ALCAM: variants seen among roughly 807,000 people sequenced by gnomAD.
ALCAM encodes activated leukocyte cell adhesion molecule, also known as CD166 antigen.
Under a neutral mutation model 70.9 loss-of-function variants are expected in ALCAM, and 30 were observed. That is an observed-to-expected ratio of 0.42 (90% CI 0.32 to 0.57). The LOEUF (loss-of-function observed/expected upper bound fraction) is 0.57, where lower values mean the gene tolerates loss of function less well. Among genes scored for constraint, ALCAM ranks in the 20% least tolerant of loss-of-function variants. The pLI, the probability that ALCAM is intolerant of heterozygous loss-of-function variation, is 0.11. For synonymous variants in ALCAM, 249 were observed against 242.5 expected, an observed-to-expected ratio of 1.03 and a Z score of -0.25; for missense variants, 591 against 695.1, an observed-to-expected ratio of 0.85 and a Z score of 1.68.
At position 105,501,584 on chromosome 3, in the gene ALCAM, A is replaced by C. The variant is rs537556940; in HGVS notation, c.74-18483A>C. 6.6e-5 allele frequency among the ~76,000 whole-genome samples: 10 copies of C among 152,306 alleles called. No homozygotes were observed. In the South Asian group the frequency reaches 2.1e-3, roughly 32 times the overall value. ...ATAAGGTATAAGAATCTAGATTTCA[A>C]ATACCTAGAAAATAATATCTGAGTG... On this transcript the variant is annotated intron_variant, in intron 1 of 15. Coordinates refer to ENST00000306107, the MANE Select transcript of ALCAM (RefSeq NM_001627.4).
chr3:105,382,444 G>A (rs1173333137), intron 1 of ALCAM, among the ~76,000 whole-genome samples: 1 of 151,792 alleles, frequency 6.6e-6, no homozygotes, highest in East Asian at 1.9e-4. Context: ...TAGTCCTTTG[G>A]GTATATACCC....
chr3:105,454,157 G>A (rs1471661345), intron 1 of ALCAM, among the ~76,000 whole-genome samples: 1 of 152,026 alleles, frequency 6.6e-6, no homozygotes, highest in Non-Finnish European at 1.5e-5. Flanking sequence ...ATATAATTCT[G>A]AAAACTCTAG....
Position 105,502,097 on chromosome 3 carries a change from G to T in ALCAM, c.74-17970G>T, listed in dbSNP as rs1576205355. On this transcript the variant is annotated intron_variant, in intron 1 of 15. Transcript: ENST00000306107. ...GCCAGTCCAGGCATAAAAGTAATAGGGCTAGAAATTCCAACTGAAAATTAA... is the reference window on the plus strand; with the variant it reads ...GCCAGTCCAGGCATAAAAGTAATAGTGCTAGAAATTCCAACTGAAAATTAA... Among the ~76,000 whole-genome samples the T allele has an allele frequency of 3.9e-5, 6 of 152,204 alleles. 1 individual carries two copies. The highest frequency in any genetic ancestry group is 3.9e-4 in the Admixed American group (6 of 15,280).
intron 1 of ALCAM, among the ~76,000 whole-genome samples, chr3:105,379,872 T>C (rs1425480244): frequency 2.0e-5 from 3 of 151,826 alleles, no homozygotes; most frequent in African/African-American, 4.8e-5. Flanking sequence ...ACAAATAATA[T>C]GTGTTTTAAA....
chr3:105,504,328 C>T (rs1939004700), intron 1 of ALCAM, among the ~76,000 whole-genome samples: 1 of 152,188 alleles, frequency 6.6e-6, no homozygotes, highest in Non-Finnish European at 1.5e-5. Context: ...AGACCTTCTA[C>T]GTTGTCACAA....
chr3:105,560,008 T>TG (rs1940599335), intron 14 of ALCAM, among the ~76,000 whole-genome samples: 2 of 152,180 alleles, frequency 1.3e-5, no homozygotes, highest in Non-Finnish European at 2.9e-5. Context: ...GCAAATAGTA[T>TG]GGCTAAAATA....
chr3:105,386,115 T>C (rs1363514500), intron 1 of ALCAM, among the ~76,000 whole-genome samples: 1 of 151,428 alleles, frequency 6.6e-6, no homozygotes, highest in East Asian at 1.9e-4. Flanking sequence ...ACCCAAAGAG[T>C]TGACCTTCCA....
At chr3:105,398,316 A>G (rs1013479549) in intron 1 of ALCAM, among the ~76,000 whole-genome samples, 3 of 152,014 alleles carry the variant, frequency 2.0e-5, no homozygotes, top group African/African-American at 4.8e-5. Context: ...AGAAGAAAAA[A>G]TGCTTTCTGT....
intron 1 of ALCAM, among the ~76,000 whole-genome samples, chr3:105,465,498 C>T (rs1212044306): frequency 6.6e-6 from 1 of 151,384 alleles, no homozygotes; most frequent in Non-Finnish European, 1.5e-5. Flanking sequence ...ATGGCATTTA[C>T]TATGCATAAG....
intron 1 of ALCAM, among the ~76,000 whole-genome samples, chr3:105,380,383 T>G (rs1046536160): frequency 6.6e-6 from 1 of 151,922 alleles, no homozygotes; most frequent in African/African-American, 2.4e-5. Flanking sequence ...AGACATCTCC[T>G]AAGATGTTTC....
At chr3:105,568,261 A>G (rs572951466) in intron 14 of ALCAM, among the ~76,000 whole-genome samples, 1 of 151,882 alleles carries the variant, frequency 6.6e-6, no homozygotes, top group South Asian at 2.1e-4. Flanking sequence ...CAAAAATTTT[A>G]GACAAAAAAC....
Position 105,576,117 on chromosome 3 carries a change from T to G in ALCAM, c.*1666T>G, listed in dbSNP as rs546496300. 1 of 152,588 alleles carries G rather than the reference T, an allele frequency of 6.6e-6. No homozygotes were observed. The highest frequency in any genetic ancestry group is 1.9e-4 in the East Asian group (1 of 5,178). The allele number at this position is 152,588 out of a possible 1,614,324, so 9.5% of individuals were successfully genotyped here. On this transcript the variant is annotated 3_prime_UTR_variant, in exon 16 of 16. Transcript: ENST00000306107. ...CTTAGACTCGATGCTGTATAAAATA[T>G]TATGGGAAAAAAAGAAAATACGTTA...
intron 4 of ALCAM, 38 bp downstream of exon 4, chr3:105,532,104 G>T (rs1939854725): frequency 3.9e-6 from 6 of 1,523,164 alleles, no homozygotes; most frequent in Non-Finnish European, 5.5e-6. Flanking sequence ...TATTTAGCCA[G>T]TGTTGTAAGT....
At chr3:105,461,214 C>T (rs1278191407) in intron 1 of ALCAM, among the ~76,000 whole-genome samples, 1 of 151,738 alleles carries the variant, frequency 6.6e-6, no homozygotes, top group African/African-American at 2.4e-5. Flanking sequence ...TGATTACTGC[C>T]AAAGAAGAAT....
rs1165017875 is a variant in ALCAM at position 105,552,524 on chromosome 3, G to A, written c.1603G>A (p.Gly535Ser). ...AAAACTAATTGTGGGAATCGTTGTT[G>A]GTCTCCTCCTTGCTGCCCTTGTTGC... ...QAKLIVGIVV[G>S]LLLAALVAGV... Residue 535 changes from glycine (G) to serine (S), a missense_variant, in exon 14 of 16, where the codon GGT (glycine) becomes AGT (serine). Physicochemically the swap from Gly to Ser is moderately conservative, Grantham distance 56. Coordinates refer to ENST00000306107, the MANE Select transcript of ALCAM (RefSeq NM_001627.4). 5 of 1,611,654 alleles carry A rather than the reference G, an allele frequency of 3.1e-6. No homozygotes were observed. Among genetic ancestry groups the A allele is most frequent in the Non-Finnish European group, 2.5e-6 (3 of 1,178,410 alleles).
rs1270887505 is a variant in ALCAM, at chr3:105,481,814, A to G, written c.74-38253A>G. On this transcript the variant is annotated intron_variant, in intron 1 of 15. Coordinates refer to ENST00000306107, the MANE Select transcript of ALCAM (RefSeq NM_001627.4). ...TTTTTTCTTTATCTGTTACTTAGGT[A>G]TTTCCTAATTTTTTCCTTATAAAAT... Among the ~76,000 whole-genome samples the G allele has an allele frequency of 1.3e-5, 2 of 152,050 alleles. 1 individual carries two copies. Among genetic ancestry groups the G allele is most frequent in the Non-Finnish European group, 2.9e-5 (2 of 67,990 alleles).
At chr3:105,417,304 A>C (rs955615100) in intron 1 of ALCAM, among the ~76,000 whole-genome samples, 1 of 151,906 alleles carries the variant, frequency 6.6e-6, no homozygotes, top group Admixed American at 6.6e-5. Flanking sequence ...TTATACTTTT[A>C]CACTACATTC....
chr3:105,453,443 G>A (rs1217364623), intron 1 of ALCAM, among the ~76,000 whole-genome samples: 1 of 152,144 alleles, frequency 6.6e-6, no homozygotes, highest in African/African-American at 2.4e-5. Flanking sequence ...TGTCTGTGGT[G>A]TTACCAGTAC....
intron 1 of ALCAM, among the ~76,000 whole-genome samples, chr3:105,370,135 C>T (rs2107314907): frequency 6.6e-6 from 1 of 152,266 alleles, no homozygotes; most frequent in Admixed American, 6.5e-5. Flanking sequence ...GACATAAGCA[C>T]ACATAAAGCT....
Sources: allele counts gnomAD v4.1 joint callset (sites outside exome capture counted in the v4.1 genomes callset), GRCh38; gene constraint gnomAD v4.1.1; transcripts MANE v1.5; gene names NCBI Gene and HGNC (gene_info 2026-07-23, HGNC 2026-07-21).